COMMD10: variants seen among roughly 807,000 people sequenced by gnomAD.
The protein encoded by COMMD10 is COMM domain containing 10.
COMMD10 carries 33 observed loss-of-function variants against 28.9 expected under a neutral mutation model. The observed-to-expected ratio is 1.14, with a 90% confidence interval of 0.87 to 1.53. COMMD10 has a LOEUF of 1.53. Among genes scored for constraint, COMMD10 ranks in the 40% most tolerant of loss-of-function variants. The probability of loss-of-function intolerance (pLI) is 0.00; values close to 1 mark genes in which losing one functional copy is unlikely to be tolerated. For missense variants in COMMD10, 310 were observed against 233.4 expected, an observed-to-expected ratio of 1.33 and a Z score of -2.14; for synonymous variants, 110 against 81.7, an observed-to-expected ratio of 1.35 and a Z score of -1.87.
intron 5 of COMMD10, among the ~76,000 whole-genome samples, chr5:116,209,367 G>A (rs537728575): frequency 2.6e-5 from 4 of 152,246 alleles, no homozygotes; most frequent in East Asian, 1.9e-4. Flanking sequence ...CAACATAGTT[G>A]CCAGTTTGGC....
intron 5 of COMMD10, among the ~76,000 whole-genome samples, chr5:116,203,141 G>A (rs1233217696): frequency 2.0e-5 from 3 of 151,960 alleles, no homozygotes; most frequent in African/African-American, 7.3e-5. Flanking sequence ...TATTAAATAG[G>A]GAATCCTTTC....
chr5:116,277,453 G>C (rs1198198247), intron 5 of COMMD10, among the ~76,000 whole-genome samples: 1 of 151,748 alleles, frequency 6.6e-6, no homozygotes, highest in Non-Finnish European at 1.5e-5. Flanking sequence ...TTTTCTTCTG[G>C]ATAGTTACTG....
chr5:116,189,040 T>C (rs929208587), intron 5 of COMMD10, among the ~76,000 whole-genome samples: 3 of 152,224 alleles, frequency 2.0e-5, no homozygotes, highest in Non-Finnish European at 4.4e-5. Flanking sequence ...AAAAAATTTA[T>C]TGATGGCTCA....
chr5:116,165,321 A>C (rs1055541983), intron 5 of COMMD10, among the ~76,000 whole-genome samples: 11 of 152,104 alleles, frequency 7.2e-5, no homozygotes, highest in African/African-American at 2.7e-4. Flanking sequence ...ATTTTTGGTA[A>C]TTGTATTTAA....
chr5:116,219,849 A>C (rs1412881108), intron 5 of COMMD10, among the ~76,000 whole-genome samples: 2 of 152,188 alleles, frequency 1.3e-5, no homozygotes, highest in Non-Finnish European at 2.9e-5. Context: ...TGAAAAAATC[A>C]TATCGATTAC....
intron 5 of COMMD10, among the ~76,000 whole-genome samples, chr5:116,244,620 T>C (rs1749892489): frequency 7.6e-6 from 1 of 130,822 alleles, no homozygotes; most frequent in Non-Finnish European, 1.5e-5. Context: ...AAGATGCTAC[T>C]ATACCATTAC....
At chr5:116,188,844 A>C (rs757769435) in intron 5 of COMMD10, among the ~76,000 whole-genome samples, 9 of 152,094 alleles carry the variant, frequency 5.9e-5, no homozygotes, top group Non-Finnish European at 1.0e-4. Context: ...TGCCCAGGCT[A>C]GTCGTGAACT....
Position 116,258,695 on chromosome 5 carries a change from A to G in COMMD10, c.511-32822A>G. 1.3e-5 allele frequency among the ~76,000 whole-genome samples: 2 copies of G among 151,752 alleles called. 1 individual carries two copies. Among genetic ancestry groups the G allele is most frequent in the Non-Finnish European group, 2.9e-5 (2 of 67,998 alleles). On this transcript the variant is annotated intron_variant, in intron 5 of 6. Coordinates refer to ENST00000274458, the MANE Select transcript of COMMD10 (RefSeq NM_016144.4). ...CAATATAATTTTTGTACCACTGTAG[A>G]TGACCCTTTTTCATCCCTTCGTCCT...
intron 5 of COMMD10, among the ~76,000 whole-genome samples, chr5:116,276,772 T>A (rs959693615): frequency 2.0e-5 from 3 of 151,780 alleles, no homozygotes; most frequent in Non-Finnish European, 4.4e-5. Context: ...AGACCACATA[T>A]ATGATCCCAT....
At chr5:116,275,678 C>G (rs1750890016) in intron 5 of COMMD10, among the ~76,000 whole-genome samples, 1 of 151,502 alleles carries the variant, frequency 6.6e-6, no homozygotes, top group South Asian at 2.1e-4. Flanking sequence ...AATCAAAGCA[C>G]CAGAACATAT....
intron 5 of COMMD10, among the ~76,000 whole-genome samples, chr5:116,269,018 G>A (rs1750683102): frequency 1.3e-5 from 2 of 151,642 alleles, no homozygotes; most frequent in African/African-American, 2.4e-5. Flanking sequence ...AATGGGTGCA[G>A]CACACCAACA....
intron 5 of COMMD10, among the ~76,000 whole-genome samples, chr5:116,285,514 C>G (rs906349061): frequency 6.6e-6 from 1 of 151,864 alleles, no homozygotes; most frequent in Non-Finnish European, 1.5e-5. Flanking sequence ...CTGCTGTATT[C>G]CCCATGGTCT....
At chr5:116,207,119 A>G (rs1168519531) in intron 5 of COMMD10, among the ~76,000 whole-genome samples, 1 of 152,224 alleles carries the variant, frequency 6.6e-6, no homozygotes, top group East Asian at 1.9e-4. Context: ...AAATTTCTCT[A>G]TTAATAATTA....
At chr5:116,257,574 A>AG (rs1750322516) in intron 5 of COMMD10, among the ~76,000 whole-genome samples, 1 of 151,734 alleles carries the variant, frequency 6.6e-6, no homozygotes. Context: ...AGTAAATGGA[A>AG]GGCTCATTTA....
chr5:116,224,293 G>T (rs1749337229), intron 5 of COMMD10, among the ~76,000 whole-genome samples: 1 of 152,168 alleles, frequency 6.6e-6, no homozygotes, highest in South Asian at 2.1e-4. Flanking sequence ...ACTCTATGTA[G>T]ATAGGAGCCA....
chr5:116,259,011 T>C (rs1024359014), intron 5 of COMMD10, among the ~76,000 whole-genome samples: 1 of 151,604 alleles, frequency 6.6e-6, no homozygotes, highest in East Asian at 1.9e-4. Context: ...CTGAATAATC[T>C]TTTGTCTTTG....
intron 5 of COMMD10, among the ~76,000 whole-genome samples, chr5:116,243,477 A>G (rs573087713): frequency 4.0e-4 from 61 of 152,246 alleles, no homozygotes; most frequent in African/African-American, 1.5e-3. Flanking sequence ...AAAACATACA[A>G]ATTCCTATTT....
At chr5:116,193,899 G>C (rs577286371) in intron 5 of COMMD10, among the ~76,000 whole-genome samples, 4 of 152,112 alleles carry the variant, frequency 2.6e-5, no homozygotes, top group Non-Finnish European at 4.4e-5. Flanking sequence ...TTCCAAGATA[G>C]ACCATATAAT....
At chr5:116,123,748 C>G (rs1339539939) in intron 4 of COMMD10, among the ~76,000 whole-genome samples, 4 of 152,026 alleles carry the variant, frequency 2.6e-5, no homozygotes, top group African/African-American at 9.7e-5. Flanking sequence ...AATTTCAGAG[C>G]CTGTTATTGG....
Sources: allele counts gnomAD v4.1 joint callset (sites outside exome capture counted in the v4.1 genomes callset), GRCh38; gene constraint gnomAD v4.1.1; transcripts MANE v1.5; gene names NCBI Gene and HGNC (gene_info 2026-07-23, HGNC 2026-07-21).